Variants in EPSTI1 observed in about 807,000 individuals in gnomAD.
The protein encoded by EPSTI1 is epithelial-stromal interaction protein 1.
A neutral mutation model predicts 49.9 loss-of-function variants in EPSTI1; 66 were observed. The ratio of observed to expected loss-of-function variants is 1.32; its 90% CI spans 1.08 to 1.62. EPSTI1 has a LOEUF of 1.62. EPSTI1 is among the 40% of genes most tolerant of loss of function. The probability of loss-of-function intolerance (pLI) is 0.00; values close to 1 mark genes in which losing one functional copy is unlikely to be tolerated. For missense variants in EPSTI1, 394 were observed against 365.5 expected (o/e 1.08, Z -0.64); for synonymous variants, 137 against 130.7 (o/e 1.05, Z -0.33).
intron 8 of EPSTI1, among the ~76,000 whole-genome samples, chr13:42,916,926 G>C (rs1486393641): frequency 7.9e-5 from 12 of 152,078 alleles, no homozygotes; most frequent in Non-Finnish European, 1.0e-4. Context: ...TGAACATCAA[G>C]TATGCCACTG....
intron 8 of EPSTI1, among the ~76,000 whole-genome samples, chr13:42,914,877 G>A (rs2037787279): frequency 6.6e-6 from 1 of 152,138 alleles, no homozygotes; most frequent in South Asian, 2.1e-4. Flanking sequence ...GAAAAAAGAG[G>A]AATTACAAAT....
At chr13:42,963,389 C>A (rs762891681) in intron 4 of EPSTI1, 51 bp from the exon 5 acceptor site, 1 of 1,443,648 alleles carries the variant, frequency 6.9e-7, no homozygotes, top group Non-Finnish European at 9.6e-7. Context: ...ATTTTTCAGT[C>A]TGAACTCTGG....
At chr13:42,909,209 G>A in intron 8 of EPSTI1, among the ~76,000 whole-genome samples, 1 of 152,088 alleles carries the variant, frequency 6.6e-6, no homozygotes, top group East Asian at 1.9e-4. Flanking sequence ...TAACCATCAG[G>A]AAAATGCAAA....
At chr13:42,892,403 AATG>A (rs1566092706) in intron 10 of EPSTI1, among the ~76,000 whole-genome samples, 1 of 152,196 alleles carries the variant, frequency 6.6e-6, no homozygotes, top group African/African-American at 2.4e-5. Flanking sequence ...GAAGCAGGAT[AATG>A]ATGATAAGGG....
intron 5 of EPSTI1, among the ~76,000 whole-genome samples, chr13:42,960,765 G>T (rs1298214509): frequency 2.0e-5 from 3 of 152,132 alleles, no homozygotes; most frequent in Admixed American, 2.0e-4. Context: ...ACATTCCTGG[G>T]CTAATGGCCC....
At chr13:42,894,630 AAT>A (rs1006948992) in intron 10 of EPSTI1, among the ~76,000 whole-genome samples, 24 of 152,056 alleles carry the variant, frequency 1.6e-4, no homozygotes, top group African/African-American at 5.8e-4. Flanking sequence ...TGACTGAAAG[AAT>A]ATATTACTAG....
rs537332085 is a variant in EPSTI1 at position 42,892,394 on chromosome 13, A to T, written c.915+2615T>A. On this transcript the variant is annotated intron_variant, in intron 10 of 10. Transcript: ENST00000313624. The stretch of plus-strand genomic sequence containing the variant: ...CTGGATGAGCACTGAGAGAGGCTGG[A>T]AGCAGGATAATGATGATAAGGGTGG... 4.6e-5 allele frequency among the ~76,000 whole-genome samples: 7 copies of T among 152,298 alleles called. No homozygotes were observed. In the East Asian group the frequency reaches 1.4e-3, roughly 29 times the overall value.
chr13:42,927,532 T>C (rs1413440345), intron 6 of EPSTI1, among the ~76,000 whole-genome samples: 1 of 152,140 alleles, frequency 6.6e-6, no homozygotes, highest in Non-Finnish European at 1.5e-5. Context: ...GACATGGGCA[T>C]CAAAGGAAAC....
intron 7 of EPSTI1, among the ~76,000 whole-genome samples, chr13:42,921,052 G>A (rs2037978539): frequency 6.6e-6 from 1 of 152,032 alleles, no homozygotes; most frequent in South Asian, 2.1e-4. Context: ...ATAAATCCGG[G>A]AGGTCTACAA....
intron 7 of EPSTI1, among the ~76,000 whole-genome samples, chr13:42,920,650 C>A (rs1304751433): frequency 6.6e-6 from 1 of 152,088 alleles, no homozygotes; most frequent in East Asian, 1.9e-4. Context: ...GCTAATTCAC[C>A]AAACACCAAC....
chr13:42,890,726 A>C (rs896594175), intron 10 of EPSTI1, among the ~76,000 whole-genome samples: 12 of 152,134 alleles, frequency 7.9e-5, no homozygotes, highest in Non-Finnish European at 1.3e-4. Context: ...AACAGTGCCA[A>C]GCCTTTTTTT....
chr13:42,989,913 A>T (rs935171031), intron 1 of EPSTI1, among the ~76,000 whole-genome samples: 2 of 151,884 alleles, frequency 1.3e-5, no homozygotes, highest in African/African-American at 4.8e-5. Context: ...TTTAAATCAG[A>T]AAGTGTTTCT....
intron 8 of EPSTI1, among the ~76,000 whole-genome samples, chr13:42,914,455 A>G (rs567667312): frequency 6.6e-6 from 1 of 152,312 alleles, no homozygotes; most frequent in South Asian, 2.1e-4. Context: ...CCAGAGAAGG[A>G]AAGCTTTAAA....
At chr13:42,935,284 G>A (rs146682034) in intron 6 of EPSTI1, among the ~76,000 whole-genome samples, 35 of 152,158 alleles carry the variant, frequency 2.3e-4, no homozygotes, top group Non-Finnish European at 3.1e-4. Context: ...TAATTCTTGC[G>A]CAGCTTAGAG....
At chr13:42,947,901 C>T (rs533105306) in intron 6 of EPSTI1, among the ~76,000 whole-genome samples, 4 of 152,252 alleles carry the variant, frequency 2.6e-5, no homozygotes, top group Non-Finnish European at 5.9e-5. Flanking sequence ...CCTTCTGGAC[C>T]GTTAAGGCCT....
intron 5 of EPSTI1, among the ~76,000 whole-genome samples, chr13:42,956,746 C>G (rs115563092): frequency 3.7e-4 from 56 of 152,210 alleles, no homozygotes; most frequent in African/African-American, 1.3e-3. Flanking sequence ...CAGAACTTAA[C>G]GTTTTTAATA....
At chr13:42,938,018 GA>G (rs2038622033) in intron 6 of EPSTI1, among the ~76,000 whole-genome samples, 1 of 152,148 alleles carries the variant, frequency 6.6e-6, no homozygotes, top group Admixed American at 6.5e-5. Context: ...TAGCAAGCAT[GA>G]AAACATTAAT....
chr13:42,906,899 T>G (rs1176103891), intron 8 of EPSTI1, among the ~76,000 whole-genome samples: 1 of 152,140 alleles, frequency 6.6e-6, no homozygotes, highest in Non-Finnish European at 1.5e-5. Flanking sequence ...AATTTGATAT[T>G]TTGATACATA....
At chr13:42,942,871 G>C (rs2038802639) in intron 6 of EPSTI1, among the ~76,000 whole-genome samples, 1 of 151,318 alleles carries the variant, frequency 6.6e-6, no homozygotes, top group African/African-American at 2.4e-5. Flanking sequence ...TGTATTTTTA[G>C]TAGAGACGGG....
Sources: gnomAD v4.1 joint callset for allele counts (sites outside exome capture counted in the v4.1 genomes callset) on GRCh38, gnomAD v4.1.1 for gene constraint, MANE v1.5 for transcripts, NCBI Gene and HGNC (gene_info 2026-07-23, HGNC 2026-07-21) for gene names.